The following LRCH2 variants were observed in gnomAD, a reference collection of about 807,000 sequenced individuals.
LRCH2 encodes the protein leucine-rich repeat and calponin homology domain-containing protein 2.
LRCH2 carries 38 observed loss-of-function variants against 68.9 expected under a neutral mutation model. That is an observed-to-expected ratio of 0.55 (90% CI 0.43 to 0.72). The LOEUF (loss-of-function observed/expected upper bound fraction) is 0.72. Ranked by LOEUF, LRCH2 falls within the 30% of genes least tolerant of loss-of-function variation. The pLI is 0.00. For synonymous variants in LRCH2, 191 were observed against 208.1 expected (o/e 0.92, Z 0.71); for missense variants, 528 against 572.9 (o/e 0.92, Z 0.80).
Position 115,191,677 on chromosome X carries a change from C to T in LRCH2, c.350-3307G>A, listed in dbSNP as rs1556559835. The T allele has an allele frequency of 6.9e-6, 8 of 1,162,377 alleles. No homozygotes were observed. In the Admixed American group the frequency reaches 1.0e-4, roughly 15 times the overall value. On this transcript the variant is annotated intron_variant, in intron 1 of 20. Transcript: ENST00000317135. ...GAGCGACCACTATGGAGGAGGAGGT[C>T]GCTCACTCGATGCCAACAGCAGTGG... is the stretch of plus-strand genomic sequence containing the variant.
intron 14 of LRCH2, among the ~76,000 whole-genome samples, chrX:115,140,886 T>C (rs2072331669): frequency 9.0e-6 from 1 of 110,542 alleles, no homozygotes; most frequent in Admixed American, 9.6e-5. Context: ...TAAAAAGACA[T>C]AGAATGGCTG....
intron 5 of LRCH2, among the ~76,000 whole-genome samples, chrX:115,172,820 T>C (rs1167574056): frequency 9.7e-6 from 1 of 102,662 alleles, no homozygotes; most frequent in Non-Finnish European, 2.0e-5. Flanking sequence ...TTACTAGGCC[T>C]ATGCATATCT....
In LRCH2 at chrX:115,191,431, G is replaced by A. The variant is rs782641942; in HGVS notation, c.350-3061C>T. 2.3e-4 allele frequency: 260 copies of A among 1,147,439 alleles called. No individual in the cohort carries two copies. Among genetic ancestry groups the A allele is most frequent in the African/African-American group, 9.0e-4 (48 of 53,293 alleles). The allele number at this position is 1,147,439 out of a possible 1,213,427, so 94.6% of individuals were successfully genotyped here. On this transcript the variant is annotated intron_variant, in intron 1 of 20. Transcript: ENST00000317135. ...CAGTTCTGGCCAGAGCAACTGCTAC[G>A]GAGGAGGAGGCCGCTACGAGGAGTA...
At chrX:115,160,404 A>T in intron 11 of LRCH2, among the ~76,000 whole-genome samples, 1 of 112,190 alleles carries the variant, frequency 8.9e-6, no homozygotes. Context: ...ATCATCACTG[A>T]ACTCAATGTA....
In LRCH2 at chrX:115,144,672, A is replaced by G. The variant is rs782490748; in HGVS notation, c.1695+5155T>C. On this transcript the variant is annotated intron_variant, in intron 14 of 20. Transcript: ENST00000317135. The stretch of plus-strand genomic sequence containing the variant: ...ATGCCAACAGTGAACAATCTAAAAA[A>G]GAAATTTTAAAAATAATCCCATTTA... Among the ~76,000 whole-genome samples, 16 of 112,046 alleles carry G rather than the reference A, an allele frequency of 1.4e-4. No individual in the cohort carries two copies. The South Asian group carries it at 1.5e-3, about 10-fold the overall frequency.
intron 20 of LRCH2, among the ~76,000 whole-genome samples, chrX:115,121,177 A>G (rs981655342): frequency 1.6e-4 from 17 of 109,387 alleles, no homozygotes; most frequent in Admixed American, 1.5e-3. Context: ...ATAATAATAA[A>G]TAAATAAATA....
chrX:115,186,609 T>C (rs2072733393), intron 2 of LRCH2, among the ~76,000 whole-genome samples: 1 of 111,068 alleles, frequency 9.0e-6, no homozygotes, highest in Non-Finnish European at 1.9e-5. Flanking sequence ...AAGATTACCA[T>C]ATGTGTTAAT....
rs2147389678 is a variant in LRCH2, at chrX:115,166,240, A to G, written c.1086+15T>C. The G allele has an allele frequency of 1.8e-6, 2 of 1,121,941 alleles. No homozygotes were observed. 92.5% of individuals were successfully genotyped at this position (1,121,941 alleles called of 1,213,427 possible). A position where few individuals can be genotyped will look rare whatever the true frequency, so the allele number is the denominator to read the frequency against. On this transcript the variant is annotated intron_variant, in intron 7 of 20. Coordinates refer to ENST00000317135, the MANE Select transcript of LRCH2 (RefSeq NM_020871.4). The stretch of plus-strand genomic sequence containing the variant: ...AATTGTAAAACAGAATGGATCAGCA[A>G]TAGAAAATACTCACTTCTGTTGTGG...
chrX:115,188,181 G>A (rs782285707), intron 2 of LRCH2, 45 bp downstream of exon 2: 1 of 984,836 alleles, frequency 1.0e-6, no homozygotes, highest in Non-Finnish European at 1.3e-6. Flanking sequence ...AAAAGGATTA[G>A]AACAACAATA....
intron 5 of LRCH2, among the ~76,000 whole-genome samples, chrX:115,173,747 T>C (rs781789095): frequency 1.8e-5 from 2 of 111,719 alleles, no homozygotes; most frequent in Admixed American, 9.5e-5. Context: ...AGGTCCATTA[T>C]ACATGGATTT....
intron 6 of LRCH2, among the ~76,000 whole-genome samples, chrX:115,169,898 C>T (rs1158808478): frequency 9.0e-6 from 1 of 110,778 alleles, no homozygotes; most frequent in African/African-American, 3.3e-5. Flanking sequence ...TTGATCCAGA[C>T]ATAAAGACTA....
At chrX:115,220,577 G>A (rs782015929) in intron 1 of LRCH2, among the ~76,000 whole-genome samples, 1 of 111,287 alleles carries the variant, frequency 9.0e-6, no homozygotes, top group Non-Finnish European at 1.9e-5. Flanking sequence ...GACAAAGTAA[G>A]ACCAAGACAT....
intron 12 of LRCH2, among the ~76,000 whole-genome samples, chrX:115,151,131 T>C (rs1556538218): frequency 9.0e-6 from 1 of 111,547 alleles, no homozygotes. Context: ...GTTTTAAACA[T>C]TTGACAAAGG....
At chrX:115,186,887 C>T (rs1366731370) in intron 2 of LRCH2, among the ~76,000 whole-genome samples, 1 of 99,360 alleles carries the variant, frequency 1.0e-5, no homozygotes, top group Admixed American at 1.1e-4. Flanking sequence ...GGCGCGATCT[C>T]GGCTCACTGC....
intron 14 of LRCH2, among the ~76,000 whole-genome samples, chrX:115,148,804 TA>T (rs2072408910): frequency 9.0e-6 from 1 of 111,704 alleles, no homozygotes. Flanking sequence ...TAAGACTCAT[TA>T]AAAGGACTCA....
chrX:115,128,103 C>T (rs185972590), intron 15 of LRCH2, among the ~76,000 whole-genome samples: 26 of 111,687 alleles, frequency 2.3e-4, no homozygotes, highest in African/African-American at 8.1e-4. Context: ...AGGGCCTCTG[C>T]CGGAGCAGAA....
intron 20 of LRCH2, 63 bp downstream of exon 20, chrX:115,122,464 C>A (rs150792620): frequency 1.1e-6 from 1 of 937,036 alleles, no homozygotes; most frequent in Admixed American, 2.4e-5. Flanking sequence ...CTAAGAAGAA[C>A]CCCAGTTTGC....
intron 18 of LRCH2, 46 bp downstream of exon 18, chrX:115,123,034 T>G (rs1341708311): frequency 8.7e-7 from 1 of 1,152,110 alleles, no homozygotes; most frequent in African/African-American, 1.8e-5. Context: ...TTTTCCAAGT[T>G]AAACCCATTT....
chrX:115,126,987 T>G (rs2072205840), intron 15 of LRCH2, 94 bp from the exon 16 acceptor site: 7 of 526,300 alleles, frequency 1.3e-5, no homozygotes, highest in Non-Finnish European at 2.0e-5. Flanking sequence ...TCTGACCAAC[T>G]ACTAAAGGAA....
Sources: gnomAD v4.1 joint callset for allele counts (sites outside exome capture counted in the v4.1 genomes callset) on GRCh38, gnomAD v4.1.1 for gene constraint, MANE v1.5 for transcripts, NCBI Gene and HGNC (gene_info 2026-07-23, HGNC 2026-07-21) for gene names.